GEN1: variants seen among roughly 807,000 people sequenced by gnomAD.
GEN1 encodes the protein flap endonuclease GEN homolog 1.
GEN1 carries 64 observed loss-of-function variants against 67.6 expected under a neutral mutation model. The ratio of observed to expected loss-of-function variants is 0.95; its 90% CI spans 0.77 to 1.17. GEN1 has a LOEUF of 1.17. Ranked by LOEUF, GEN1 falls within the 50% of genes most tolerant of loss-of-function variation. GEN1 has a pLI of 0.00. For missense variants in GEN1, 1,058 were observed against 1,048.3 expected, an observed-to-expected ratio of 1.01 and a Z score of -0.13; for synonymous variants, 371 against 359.4, an observed-to-expected ratio of 1.03 and a Z score of -0.37.
At position 17,759,968 on chromosome 2, in the gene GEN1, A is replaced by G. The variant is rs1467832131; in HGVS notation, c.25A>G (p.Ile9Val). The change falls in exon 2 of 14, where the codon ATT (isoleucine) becomes GTT (valine). Residue 9 changes from isoleucine to valine, a missense_variant. Physicochemically the swap from Ile to Val is conservative, Grantham distance 29 (BLOSUM62 3). Coordinates refer to ENST00000381254, the MANE Select transcript of GEN1 (RefSeq NM_001130009.3). The part of the protein sequence containing the change: MGVNDLWQ[I>V]LEPVKQHIPL... ...AATGGGAGTGAATGACTTGTGGCAA[A>G]TTTTGGAGCCTGTTAAGCAACACAT... 2 of 1,613,944 alleles carry G rather than the reference A, an allele frequency of 1.2e-6. No homozygotes were observed. Among genetic ancestry groups the G allele is most frequent in the Non-Finnish European group, 8.5e-7 (1 of 1,179,946 alleles).
rs1412624182 is a variant in GEN1, at chr2:17,766,625, T to C, written c.572T>C (p.Leu191Pro). 1.2e-6 allele frequency: 2 copies of C among 1,609,888 alleles called. No individual in the cohort carries two copies. The highest frequency in any genetic ancestry group is 3.3e-5 in the Admixed American group (2 of 59,942). The change falls in exon 5 of 14, where the codon CTA becomes CCA. Residue 191 changes from leucine (L) to proline (P), a missense_variant. Physicochemically the swap from Leu to Pro is moderately conservative, Grantham distance 98. Coordinates refer to ENST00000381254, the MANE Select transcript of GEN1 (RefSeq NM_001130009.3). The part of the protein sequence containing the change: ...CYTMSSIKSK[L>P]GLDRDALVGL... ...ACAATGTCATCTATCAAGAGTAAAC[T>C]AGGTTTGGATAGAGATGCTCTGGTT...
chr2:17,780,901 A>G lies in GEN1; in HGVS notation c.1689A>G (p.Leu563=). 1 of 1,613,936 alleles carries G rather than the reference A, an allele frequency of 6.2e-7. No homozygotes were observed. Among genetic ancestry groups the G allele is most frequent in the Non-Finnish European group, 8.5e-7 (1 of 1,179,924 alleles). The change falls in exon 14 of 14, where the codon CTA becomes CTG. Residue 563 remains leucine, a synonymous_variant. Transcript: ENST00000381254. The part of the protein sequence containing the change: ...IQQIKAVSKS[L]ISESSQPNTS... ...AAATTAAAGCTGTCAGTAAGTCTCT[A>G]ATTTCAGAATCTAGTCAACCCAATA...
At chr2:17,762,146 A>G (rs987963716) in intron 3 of GEN1, among the ~76,000 whole-genome samples, 3 of 149,490 alleles carry the variant, frequency 2.0e-5, no homozygotes, top group Admixed American at 2.0e-4. Flanking sequence ...GAAATCATCT[A>G]TAGTATATAA....
intron 6 of GEN1, among the ~76,000 whole-genome samples, chr2:17,769,688 C>T (rs1033766974): frequency 6.6e-6 from 1 of 151,998 alleles, no homozygotes; most frequent in African/African-American, 2.4e-5. Flanking sequence ...CGTTTAGTCT[C>T]TATAGTTGGA....
chr2:17,774,275 T>C lies in GEN1; in HGVS notation c.1076T>C (p.Phe359Ser). 6.5e-7 allele frequency: 1 copy of C among 1,548,662 alleles called. No homozygotes were observed. Among genetic ancestry groups the C allele is most frequent in the Non-Finnish European group, 8.8e-7 (1 of 1,136,266 alleles). The change falls in exon 11 of 14, where the codon TTT (phenylalanine) becomes TCT (serine). Residue 359 changes from phenylalanine to serine, a missense_variant. By Grantham distance (155) the Phe-to-Ser change is radical (BLOSUM62 -2). Coordinates refer to ENST00000381254, the MANE Select transcript of GEN1 (RefSeq NM_001130009.3). Reference protein sequence around the residue: ...QRPDLLLFQRFTLEKMEWPNH... With the variant: ...QRPDLLLFQRSTLEKMEWPNH... ...TTATTTTTATTATATTTATAGAGAT[T>C]TACTCTTGAAAAAATGGAGTGGCCC...
rs773526095 is a variant in GEN1 at position 17,781,532 on chromosome 2, G to C, written c.2320G>C (p.Ala774Pro). ...KTCNVRPPNTALDHSRKVDMQ... is the reference protein window; with the variant it reads ...KTCNVRPPNTPLDHSRKVDMQ... Reference sequence around the variant, plus strand: ...CTGCAATGTTAGACCACCAAATACTGCTTTAGATCATAGTAGAAAAGTTGA... The same window carrying C: ...CTGCAATGTTAGACCACCAAATACTCCTTTAGATCATAGTAGAAAAGTTGA... The change falls in exon 14 of 14, where the codon GCT (alanine) becomes CCT (proline). Residue 774 changes from alanine to proline, a missense_variant. Physicochemically the swap from Ala to Pro is conservative, Grantham distance 27 (BLOSUM62 -1). Coordinates refer to ENST00000381254, the MANE Select transcript of GEN1 (RefSeq NM_001130009.3). 1 of 1,613,724 alleles carries C rather than the reference G, an allele frequency of 6.2e-7. No homozygotes were observed. Among genetic ancestry groups the C allele is most frequent in the Admixed American group, 1.7e-5 (1 of 60,018 alleles).
chr2:17,765,482 A>G (rs1243402944), intron 4 of GEN1, among the ~76,000 whole-genome samples: 10 of 152,224 alleles, frequency 6.6e-5, no homozygotes, highest in Admixed American at 6.5e-4. Flanking sequence ...CCGAGTGCTC[A>G]TTGATAGGGA....
rs2125180032 is a variant in GEN1, at chr2:17,781,399, A to T, written c.2187A>T (p.Gln729His). Reference protein sequence around the residue: ...LSKDLPGIPLQNESRDSKILK... With the variant: ...LSKDLPGIPLHNESRDSKILK... ...AGGATCTTCCAGGAATTCCCTTGCA[A>T]AATGAATCCAGAGACTCTAAAATTC... The change falls in exon 14 of 14, where the codon CAA (glutamine) becomes CAT (histidine). Residue 729 changes from glutamine to histidine, a missense_variant. Coordinates refer to ENST00000381254, the MANE Select transcript of GEN1 (RefSeq NM_001130009.3). 2 of 1,613,822 alleles carry T rather than the reference A, an allele frequency of 1.2e-6. No homozygotes were observed. Among genetic ancestry groups the T allele is most frequent in the Middle Eastern group, 1.7e-4 (1 of 6,060 alleles).
rs1287646809 is a variant in GEN1 at position 17,780,740 on chromosome 2, G to A, written c.1528G>A (p.Gly510Arg). 1 of 1,613,802 alleles carries A rather than the reference G, an allele frequency of 6.2e-7. No homozygotes were observed. The highest frequency in any genetic ancestry group is 1.7e-5 in the Admixed American group (1 of 59,990). Residue 510 changes from glycine to arginine, a missense_variant, in exon 14 of 14, where the codon GGG (glycine) becomes AGG (arginine). Coordinates refer to ENST00000381254, the MANE Select transcript of GEN1 (RefSeq NM_001130009.3). ...FHKQNSKLNSGISPDPTLPQE... is the reference protein window; with the variant it reads ...FHKQNSKLNSRISPDPTLPQE... ...TAAGCAGAATTCCAAGTTAAATTCGGGGATTTCCCCTGATCCTACATTACC... is the reference window on the plus strand; with the variant it reads ...TAAGCAGAATTCCAAGTTAAATTCGAGGATTTCCCCTGATCCTACATTACC...
chr2:17,778,292 G>C lies in GEN1; in HGVS notation c.1264+229G>C, dbSNP rs147807270. ...TACATATATGTATATACACACACAT[G>C]TGTGTGTACATATATGTATATACAC... On this transcript the variant is annotated intron_variant, in intron 12 of 13. Transcript: ENST00000381254. Among the ~76,000 whole-genome samples, 9 of 94,322 alleles carry C rather than the reference G, an allele frequency of 9.5e-5. 3 individuals are homozygous for C. Among genetic ancestry groups the C allele is most frequent in the African/African-American group, 5.6e-4 (9 of 16,216 alleles). The allele number at this position is 94,322 out of a possible 152,430, so 61.9% of individuals were successfully genotyped here.
At chr2:17,764,084 C>T (rs746668840) in intron 3 of GEN1, among the ~76,000 whole-genome samples, 7 of 152,154 alleles carry the variant, frequency 4.6e-5, no homozygotes, top group African/African-American at 1.4e-4. Flanking sequence ...AGCTACCCAG[C>T]GGGGTTAAAT....
rs1672898220 is a variant in GEN1 at position 17,782,622 on chromosome 2, C to A, written c.*683C>A. 1 of 152,102 alleles carries A rather than the reference C, an allele frequency of 6.6e-6. No homozygotes were observed. Among genetic ancestry groups the A allele is most frequent in the South Asian group, 2.1e-4 (1 of 4,824 alleles). The allele number at this position is 152,102 out of a possible 1,614,324, so 9.4% of individuals were successfully genotyped here. A position where few individuals can be genotyped will look rare whatever the true frequency, so the allele number is the denominator to read the frequency against. Reference sequence around the variant, plus strand: ...GCTGAATAAACTGAGCAAAGTAACTCCTTATGTATCCCCAGAAGTTCACAG... The same window carrying A: ...GCTGAATAAACTGAGCAAAGTAACTACTTATGTATCCCCAGAAGTTCACAG... On this transcript the variant is annotated 3_prime_UTR_variant, in exon 14 of 14. Transcript: ENST00000381254.
chr2:17,783,768 A>G lies in GEN1; in HGVS notation c.*1829A>G, dbSNP rs547123951. 7.9e-5 allele frequency: 12 copies of G among 152,388 alleles called. No individual in the cohort carries two copies. The highest frequency in any genetic ancestry group is 2.9e-4 in the African/African-American group (12 of 41,592). 9.4% of individuals were successfully genotyped at this position (152,388 alleles called of 1,614,324 possible). ...GGAAAAGGAAACAGTCTTTGAACCA[A>G]CTGTCTTCTGGATCTATTGGATATC... is the stretch of plus-strand genomic sequence containing the variant. On this transcript the variant is annotated 3_prime_UTR_variant, in exon 14 of 14. Transcript: ENST00000381254.
At position 17,754,309 on chromosome 2, in the gene GEN1, G is replaced by A. The variant is rs182224836; in HGVS notation, c.-52G>A. ...CAGGCCAAACTGGTAAATGACGAAG[G>A]GGCTTCTTCCAGAGCCAAGGAGGAA... On this transcript the variant is annotated 5_prime_UTR_variant, in exon 1 of 14. Transcript: ENST00000381254. 3 of 152,254 alleles carry A rather than the reference G, an allele frequency of 2.0e-5. No individual in the cohort carries two copies. In the East Asian group the frequency reaches 5.8e-4, roughly 29 times the overall value. The allele number at this position is 152,254 out of a possible 1,614,324, so 9.4% of individuals were successfully genotyped here. A position where few individuals can be genotyped will look rare whatever the true frequency, so the allele number is the denominator to read the frequency against.
At position 17,761,498 on chromosome 2, in the gene GEN1, G is replaced by C; in HGVS notation, c.264G>C (p.Lys88Asn). 1.9e-6 allele frequency: 3 copies of C among 1,613,296 alleles called. No individual in the cohort carries two copies. The highest frequency in any genetic ancestry group is 1.7e-6 in the Non-Finnish European group (2 of 1,179,302). ...PPKLKADVIS[K>N]RNQSRYGSSG... ...AGCTGAAAGCTGATGTCATAAGCAA[G>C]AGGAATCAGTCTCGGTATGGGTCTT... is the stretch of plus-strand genomic sequence containing the variant. The change falls in exon 3 of 14, where the codon AAG becomes AAC. Residue 88 changes from lysine to asparagine, a missense_variant. Physicochemically the swap from Lys to Asn is moderately conservative, Grantham distance 94 (BLOSUM62 0). Coordinates refer to ENST00000381254, the MANE Select transcript of GEN1 (RefSeq NM_001130009.3).
chr2:17,754,553 C>G (rs1671306783), intron 1 of GEN1: 1 of 152,234 alleles, frequency 6.6e-6, no homozygotes, highest in Non-Finnish European at 1.5e-5. Flanking sequence ...TGCGTCACCC[C>G]GCCTCGGGAA....
Position 17,783,981 on chromosome 2 carries a change from G to T in GEN1, c.*2042G>T, listed in dbSNP as rs1672961386. The T allele has an allele frequency of 6.6e-6, 1 of 152,168 alleles. No individual in the cohort carries two copies. Among genetic ancestry groups the T allele is most frequent in the African/African-American group, 2.4e-5 (1 of 41,452 alleles). 9.4% of individuals were successfully genotyped at this position (152,168 alleles called of 1,614,324 possible). The stretch of plus-strand genomic sequence containing the variant: ...TACCCAAAGCATAGGCAACAAAAGA[G>T]AATACACAAACTGGACTTCATCAAA... On this transcript the variant is annotated 3_prime_UTR_variant, in exon 14 of 14. Transcript: ENST00000381254.
At position 17,788,695 on chromosome 2, in the gene GEN1, A is replaced by G. The variant is rs1673130921; in HGVS notation, c.*6756A>G. The G allele has an allele frequency of 6.6e-6, 1 of 152,246 alleles. No homozygotes were observed. The highest frequency in any genetic ancestry group is 2.4e-5 in the African/African-American group (1 of 41,472). 9.4% of individuals were successfully genotyped at this position (152,246 alleles called of 1,614,324 possible). A position where few individuals can be genotyped will look rare whatever the true frequency, so the allele number is the denominator to read the frequency against. The stretch of plus-strand genomic sequence containing the variant: ...AAGATTCTATAGTGTTTGCGTCATC[A>G]TAAGTTAAATCTTCATCTACCACCC... On this transcript the variant is annotated 3_prime_UTR_variant, in exon 14 of 14. Coordinates refer to ENST00000381254, the MANE Select transcript of GEN1 (RefSeq NM_001130009.3).
rs184539213 is a variant in GEN1, at chr2:17,764,512, A to T, written c.349-385A>T. Among the ~76,000 whole-genome samples, 27 of 152,310 alleles carry T rather than the reference A, an allele frequency of 1.8e-4. No individual in the cohort carries two copies. In the East Asian group the frequency reaches 5.2e-3, roughly 29 times the overall value. ...GAAAATTTAAATCAACACAAAAGTA[A>T]CCCATCACTAATCTTAAACCATTAT... is the stretch of plus-strand genomic sequence containing the variant. On this transcript the variant is annotated intron_variant, in intron 3 of 13. Coordinates refer to ENST00000381254, the MANE Select transcript of GEN1 (RefSeq NM_001130009.3).
Sources: allele counts gnomAD v4.1 joint callset (sites outside exome capture counted in the v4.1 genomes callset), GRCh38; gene constraint gnomAD v4.1.1; transcripts MANE v1.5; gene names NCBI Gene and HGNC (gene_info 2026-07-23, HGNC 2026-07-21).